Variants in SH3GL2 observed in about 807,000 individuals in gnomAD.
SH3GL2 encodes the protein SH3 domain containing GRB2 like 2, endophilin A1.
In SH3GL2, 24 loss-of-function variants were observed where a neutral mutation model predicts 46.0. The ratio of observed to expected loss-of-function variants is 0.52; its 90% CI spans 0.38 to 0.73. SH3GL2 has a LOEUF of 0.73. SH3GL2 is among the 30% of genes least tolerant of loss of function. SH3GL2 has a pLI of 0.00. For synonymous variants in SH3GL2, 196 were observed against 147.1 expected (o/e 1.33, Z -2.40); for missense variants, 413 against 424.2 (o/e 0.97, Z 0.23).
intron 1 of SH3GL2, among the ~76,000 whole-genome samples, chr9:17,598,981 A>G (rs1392032388): frequency 6.6e-6 from 1 of 152,218 alleles, no homozygotes; most frequent in Non-Finnish European, 1.5e-5. Flanking sequence ...ATGGAACAAA[A>G]TGGAAAGTCC....
At chr9:17,706,595 C>G (rs887595246) in intron 1 of SH3GL2, among the ~76,000 whole-genome samples, 7 of 152,032 alleles carry the variant, frequency 4.6e-5, no homozygotes, top group Non-Finnish European at 7.4e-5. Context: ...TGTAATCTTT[C>G]CTGTCTTAAA....
At chr9:17,587,200 A>G (rs1196548537) in intron 1 of SH3GL2, among the ~76,000 whole-genome samples, 1 of 152,244 alleles carries the variant, frequency 6.6e-6, no homozygotes, top group East Asian at 1.9e-4. Context: ...AGACTGTCTC[A>G]AAAACAAAAC....
At chr9:17,628,253 T>C (rs145683577) in intron 1 of SH3GL2, among the ~76,000 whole-genome samples, 4 of 152,342 alleles carry the variant, frequency 2.6e-5, no homozygotes, top group African/African-American at 9.6e-5. Context: ...ATCTAACTCT[T>C]CTCTGTACCC....
At chr9:17,787,336 T>A (rs1323888639) in intron 4 of SH3GL2, 44 bp from the exon 5 acceptor site, 2 of 1,577,392 alleles carry the variant, frequency 1.3e-6, no homozygotes, top group African/African-American at 1.4e-5. Context: ...GCGAGTGCAT[T>A]TCATCTTTAT....
At chr9:17,598,219 C>T (rs1234310289) in intron 1 of SH3GL2, among the ~76,000 whole-genome samples, 3 of 152,128 alleles carry the variant, frequency 2.0e-5, no homozygotes, top group African/African-American at 7.2e-5. Context: ...CAGGGTACTA[C>T]TATTTGCACA....
chr9:17,776,914 C>G (rs1186590586), intron 3 of SH3GL2, among the ~76,000 whole-genome samples: 1 of 152,162 alleles, frequency 6.6e-6, no homozygotes, highest in Admixed American at 6.5e-5. Context: ...GAGGCTCACA[C>G]TTGGCTCCCC....
At chr9:17,783,813 G>A (rs895716531) in intron 3 of SH3GL2, among the ~76,000 whole-genome samples, 1 of 152,028 alleles carries the variant, frequency 6.6e-6, no homozygotes, top group Non-Finnish European at 1.5e-5. Flanking sequence ...AGAGGAGTTA[G>A]GTATGTTTAG....
At chr9:17,778,192 A>G (rs556471084) in intron 3 of SH3GL2, among the ~76,000 whole-genome samples, 12 of 152,294 alleles carry the variant, frequency 7.9e-5, no homozygotes, top group African/African-American at 2.9e-4. Flanking sequence ...CCAGCAAGGT[A>G]GCTTTGATTT....
In SH3GL2 at chr9:17,749,486, G is replaced by A. The variant is rs1381472277; in HGVS notation, c.114+2352G>A. Among the ~76,000 whole-genome samples, 11 of 152,108 alleles carry A rather than the reference G, an allele frequency of 7.2e-5. No homozygotes were observed. The South Asian group carries it at 1.2e-3, about 17-fold the overall frequency. The stretch of plus-strand genomic sequence containing the variant: ...CTGGAGAGCATTTATAGTTTGCCAC[G>A]TGGCCAATGTCATGTCATTAATGAA... On this transcript the variant is annotated intron_variant, in intron 2 of 8. Transcript: ENST00000380607.
At chr9:17,710,278 A>G (rs1457319747) in intron 1 of SH3GL2, among the ~76,000 whole-genome samples, 3 of 151,950 alleles carry the variant, frequency 2.0e-5, no homozygotes, top group Non-Finnish European at 4.4e-5. Flanking sequence ...TCATGACTGT[A>G]AGTTTCCTGA....
At chr9:17,737,251 A>G (rs976889650) in intron 1 of SH3GL2, among the ~76,000 whole-genome samples, 2 of 152,148 alleles carry the variant, frequency 1.3e-5, no homozygotes, top group African/African-American at 2.4e-5. Context: ...TACCTAATGT[A>G]GATGACAGGT....
chr9:17,792,251 C>T (rs551582970), intron 7 of SH3GL2, among the ~76,000 whole-genome samples: 29 of 152,266 alleles, frequency 1.9e-4, no homozygotes, highest in Admixed American at 9.2e-4. Context: ...TTTCCTTCGG[C>T]GCAGCCTTAT....
intron 1 of SH3GL2, among the ~76,000 whole-genome samples, chr9:17,673,971 T>G (rs1238760086): frequency 2.0e-5 from 3 of 152,198 alleles, no homozygotes; most frequent in African/African-American, 7.2e-5. Flanking sequence ...AATTCATCTT[T>G]AAGCTCCTTG....
intron 1 of SH3GL2, among the ~76,000 whole-genome samples, chr9:17,595,602 C>G (rs1818555581): frequency 6.6e-6 from 1 of 152,116 alleles, no homozygotes; most frequent in Non-Finnish European, 1.5e-5. Flanking sequence ...CAAGATTGTT[C>G]ACTGTAGTAG....
chr9:17,750,532 G>T (rs553047084), intron 2 of SH3GL2, among the ~76,000 whole-genome samples: 2 of 152,018 alleles, frequency 1.3e-5, no homozygotes, highest in African/African-American at 2.4e-5. Flanking sequence ...GTCTCTGTAG[G>T]ATCCCTGCCC....
chr9:17,622,986 G>GTTCCGTTCCTTTCC (rs1554631076), intron 1 of SH3GL2, among the ~76,000 whole-genome samples: 12 of 99,412 alleles, frequency 1.2e-4, no homozygotes, highest in East Asian at 1.1e-3. Context: ...GTTTCCTTTC[G>GTTCCGTTCCTTTCC]TTTCCTTTCC....
rs548345112 is a variant in SH3GL2, at chr9:17,686,846, G to A, written c.46-60220G>A. On this transcript the variant is annotated intron_variant, in intron 1 of 8. Transcript: ENST00000380607. Reference sequence around the variant, plus strand: ...GGAGATATACCTAATGCTAGATGACGAGTTAGTGGGTGCAGCGCACCAGCA... The same window carrying A: ...GGAGATATACCTAATGCTAGATGACAAGTTAGTGGGTGCAGCGCACCAGCA... Among the ~76,000 whole-genome samples, 21 of 149,442 alleles carry A rather than the reference G, an allele frequency of 1.4e-4. No individual in the cohort carries two copies. In the East Asian group the frequency reaches 2.4e-3, roughly 17 times the overall value.
intron 1 of SH3GL2, among the ~76,000 whole-genome samples, chr9:17,604,238 A>T (rs1818720211): frequency 6.6e-6 from 1 of 152,172 alleles, no homozygotes; most frequent in Non-Finnish European, 1.5e-5. Context: ...CAAGAGCTGG[A>T]CACTGGACTC....
intron 1 of SH3GL2, among the ~76,000 whole-genome samples, chr9:17,667,632 C>T (rs1190082144): frequency 6.6e-6 from 1 of 152,086 alleles, no homozygotes; most frequent in Non-Finnish European, 1.5e-5. Flanking sequence ...CTTGTGTGCA[C>T]GTTTTTGTGG....
Sources: gnomAD v4.1 joint callset for allele counts (sites outside exome capture counted in the v4.1 genomes callset) on GRCh38, gnomAD v4.1.1 for gene constraint, MANE v1.5 for transcripts, NCBI Gene and HGNC (gene_info 2026-07-23, HGNC 2026-07-21) for gene names.